The following NUP93 variants were observed in gnomAD, a reference collection of about 807,000 sequenced individuals.
The protein encoded by NUP93 is nuclear pore complex protein Nup93.
Under a neutral mutation model 107.8 loss-of-function variants are expected in NUP93, and 55 were observed. The observed-to-expected ratio is 0.51, with a 90% CI of 0.41 to 0.64. The LOEUF (loss-of-function observed/expected upper bound fraction) is 0.64, where lower values mean the gene tolerates loss of function less well. Ranked by LOEUF, NUP93 falls within the 30% of genes least tolerant of loss-of-function variation. NUP93 has a pLI of 0.00. For synonymous variants in NUP93, 390 were observed against 397.5 expected (o/e 0.98, Z 0.22); for missense variants, 937 against 1,044.7 (o/e 0.90, Z 1.42).
intron 8 of NUP93, among the ~76,000 whole-genome samples, chr16:56,825,802 C>G (rs1596845943): frequency 6.6e-6 from 1 of 152,256 alleles, no homozygotes; most frequent in East Asian, 1.9e-4. Context: ...AGTGGCATCA[C>G]TCTCTCATGG....
At chr16:56,771,661 C>T (rs1194731241) in intron 3 of NUP93, among the ~76,000 whole-genome samples, 3 of 152,162 alleles carry the variant, frequency 2.0e-5, no homozygotes, top group East Asian at 3.8e-4. Context: ...GCGTGATTGG[C>T]TTCTGTGGAC....
At chr16:56,832,220 T>C (rs113308360) in intron 11 of NUP93, 75 bp from the exon 12 acceptor site, 9 of 1,342,706 alleles carry the variant, frequency 6.7e-6, no homozygotes, top group Middle Eastern at 3.6e-4. Flanking sequence ...GCATGGCTGC[T>C]GAACAGCTAC....
chr16:56,755,619 T>C (rs1425792295), intron 2 of NUP93, among the ~76,000 whole-genome samples: 1 of 152,160 alleles, frequency 6.6e-6, no homozygotes, highest in African/African-American at 2.4e-5. Flanking sequence ...CTCACGCCTG[T>C]AATCCCAGCA....
intron 4 of NUP93, among the ~76,000 whole-genome samples, chr16:56,804,301 C>T (rs1963085292): frequency 6.6e-6 from 1 of 152,160 alleles, no homozygotes; most frequent in Non-Finnish European, 1.5e-5. Context: ...GAAGTGGAAG[C>T]AACCCAGGTG....
rs556040376 is a variant in NUP93, at chr16:56,766,408, C to A, written c.297+7753C>A. Among the ~76,000 whole-genome samples, 11 of 152,266 alleles carry A rather than the reference C, an allele frequency of 7.2e-5. 1 individual carries two copies. In the South Asian group the frequency reaches 1.9e-3, roughly 26 times the overall value. On this transcript the variant is annotated intron_variant, in intron 3 of 21. Transcript: ENST00000308159. ...CTTAACCTGCCGATACCAGTGATGC[C>A]CCAGCACTCTGGTGATGAGAAACAT...
intron 8 of NUP93, among the ~76,000 whole-genome samples, chr16:56,826,464 C>T (rs553313885): frequency 1.3e-5 from 2 of 150,226 alleles, no homozygotes; most frequent in African/African-American, 2.5e-5. Context: ...TGCAGTGAGC[C>T]GAGATCGTGC....
At chr16:56,750,877 A>G (rs1298055636) in intron 2 of NUP93, among the ~76,000 whole-genome samples, 4 of 152,172 alleles carry the variant, frequency 2.6e-5, no homozygotes, top group Non-Finnish European at 5.9e-5. Flanking sequence ...CAGAATATTG[A>G]GCTGGGTGCC....
chr16:56,760,232 A>G (rs1249811578), intron 3 of NUP93, among the ~76,000 whole-genome samples: 1 of 152,148 alleles, frequency 6.6e-6, no homozygotes, highest in Admixed American at 6.5e-5. Context: ...CTTCATTTCA[A>G]AAGTTCACCT....
At chr16:56,774,488 T>A (rs538845277) in intron 3 of NUP93, among the ~76,000 whole-genome samples, 38 of 152,148 alleles carry the variant, frequency 2.5e-4, no homozygotes, top group African/African-American at 8.9e-4. Context: ...TAGATTTTAC[T>A]TTTCCTTAGC....
intron 9 of NUP93, 42 bp downstream of exon 9, chr16:56,829,151 G>A: frequency 6.3e-7 from 1 of 1,588,508 alleles, no homozygotes; most frequent in Non-Finnish European, 8.5e-7. Flanking sequence ...CACCCCCAGA[G>A]CAGTTGCCCT....
At chr16:56,833,637 G>A (rs1963848999) in intron 13 of NUP93, among the ~76,000 whole-genome samples, 1 of 121,664 alleles carries the variant, frequency 8.2e-6, no homozygotes, top group African/African-American at 3.2e-5. Context: ...GATGTTCAAA[G>A]TACTAGCTTT....
intron 5 of NUP93, among the ~76,000 whole-genome samples, chr16:56,817,352 C>A (rs74327135): frequency 6.6e-6 from 1 of 152,176 alleles, no homozygotes; most frequent in African/African-American, 2.4e-5. Flanking sequence ...CTCTCTCCCC[C>A]TCTCCTGGTG....
intron 1 of NUP93, among the ~76,000 whole-genome samples, chr16:56,740,006 T>A (rs1597100214): frequency 1.5e-5 from 1 of 67,740 alleles, no homozygotes; most frequent in Non-Finnish European, 2.8e-5. Flanking sequence ...GGCTCCTCAC[T>A]TCCCAGTAGG....
chr16:56,806,115 T>C (rs12596894), intron 5 of NUP93, among the ~76,000 whole-genome samples: 16,229 of 149,470 alleles, frequency 0.11, 1,091 homozygotes, highest in Middle Eastern at 0.23. Flanking sequence ...ATGTCCAGAA[T>C]TGAGTCATGA....
chr16:56,748,207 G>T (rs369920716), intron 1 of NUP93, 27 bp from the exon 2 acceptor site: 1 of 1,495,654 alleles, frequency 6.7e-7, no homozygotes, highest in Non-Finnish European at 9.2e-7. Flanking sequence ...CCTTGATTTA[G>T]ATCTTTTCAT....
At chr16:56,826,697 T>C (rs1366276206) in intron 8 of NUP93, among the ~76,000 whole-genome samples, 1 of 152,052 alleles carries the variant, frequency 6.6e-6, no homozygotes, top group East Asian at 1.9e-4. Context: ...ATTACCTTGT[T>C]GTATTTCTTT....
intron 3 of NUP93, among the ~76,000 whole-genome samples, chr16:56,760,435 T>C (rs775490869): frequency 2.0e-5 from 3 of 152,160 alleles, no homozygotes; most frequent in Non-Finnish European, 4.4e-5. Context: ...TTCAATTGGC[T>C]CACGGTTCTG....
chr16:56,789,504 T>TA (rs1962705928), intron 3 of NUP93, among the ~76,000 whole-genome samples: 1 of 152,208 alleles, frequency 6.6e-6, no homozygotes, highest in African/African-American at 2.4e-5. Context: ...AGTGCCATGT[T>TA]ATATCGCCAA....
chr16:56,775,825 C>T (rs1421157372), intron 3 of NUP93, among the ~76,000 whole-genome samples: 3 of 152,132 alleles, frequency 2.0e-5, no homozygotes, highest in African/African-American at 7.2e-5. Flanking sequence ...ACAAGGCCAC[C>T]CCTCCCTTGC....
Sources: gnomAD v4.1 joint callset for allele counts (sites outside exome capture counted in the v4.1 genomes callset) on GRCh38, gnomAD v4.1.1 for gene constraint, MANE v1.5 for transcripts, NCBI Gene and HGNC (gene_info 2026-07-23, HGNC 2026-07-21) for gene names.